Variants in ZNF143 observed in about 807,000 individuals in gnomAD.
ZNF143 encodes SPH-binding factor.
A neutral mutation model predicts 74.1 loss-of-function variants in ZNF143; 49 were observed. The observed-to-expected ratio is 0.66, with a 90% CI of 0.53 to 0.84. ZNF143 has a LOEUF of 0.84. Ranked by LOEUF, ZNF143 falls within the 40% of genes least tolerant of loss-of-function variation. The probability of loss-of-function intolerance (pLI) is 0.00; values close to 1 mark genes in which losing one functional copy is unlikely to be tolerated. For synonymous variants in ZNF143, 304 were observed against 282.8 expected (o/e 1.07, Z -0.75); for missense variants, 637 against 793.4 (o/e 0.80, Z 2.37).
chr11:9,504,483 A>ATCT (rs1848281981), intron 11 of ZNF143, among the ~76,000 whole-genome samples: 1 of 125,600 alleles, frequency 8.0e-6, no homozygotes. Flanking sequence ...TATTTGCAGT[A>ATCT]TAGAAGCTTT....
At chr11:9,473,590 ATCTG>A (rs757353385) in intron 3 of ZNF143, among the ~76,000 whole-genome samples, 7 of 152,052 alleles carry the variant, frequency 4.6e-5, no homozygotes, top group Admixed American at 3.9e-4. Context: ...CACTGACATA[ATCTG>A]TCTGTCTTCC....
At chr11:9,491,412 G>A (rs546241975) in intron 7 of ZNF143, among the ~76,000 whole-genome samples, 4 of 151,982 alleles carry the variant, frequency 2.6e-5, no homozygotes, top group South Asian at 2.1e-4. Flanking sequence ...CGAGGCAGGC[G>A]GATCACGAGG....
chr11:9,465,979 C>T (rs933368990), intron 1 of ZNF143, among the ~76,000 whole-genome samples: 4 of 150,996 alleles, frequency 2.6e-5, no homozygotes, highest in African/African-American at 7.3e-5. Flanking sequence ...CAGGTCCAAG[C>T]TACCATGTCT....
chr11:9,472,618 A>T, intron 2 of ZNF143, 59 bp from the exon 3 acceptor site: 1 of 1,430,494 alleles, frequency 7.0e-7, no homozygotes, highest in South Asian at 1.2e-5. Context: ...TGAAAAAAAA[A>T]TTAATCAGCA....
In ZNF143 at chr11:9,471,330, C is replaced by G. The variant is rs758575257; in HGVS notation, c.22C>G (p.Arg8Gly). The G allele has an allele frequency of 6.2e-7, 1 of 1,611,590 alleles. No individual in the cohort carries two copies. Among genetic ancestry groups the G allele is most frequent in the Non-Finnish European group, 8.5e-7 (1 of 1,179,132 alleles). Reference protein sequence around the residue: MLLAQINRDSQGMTEFPG... With the variant: MLLAQINGDSQGMTEFPG... ...GAAGATGTTGTTAGCCCAAATAAATCGAGATTCTCAGGGAATGACAGAGTT... is the reference window on the plus strand; with the variant it reads ...GAAGATGTTGTTAGCCCAAATAAATGGAGATTCTCAGGGAATGACAGAGTT... The change falls in exon 2 of 16, where the codon CGA (arginine) becomes GGA (glycine). Residue 8 changes from arginine to glycine, a missense_variant. Physicochemically the swap from Arg to Gly is moderately radical, Grantham distance 125 (BLOSUM62 -2). Transcript: ENST00000396602.
chr11:9,520,801 TAAA>T (rs1255538757), intron 14 of ZNF143, among the ~76,000 whole-genome samples: 1 of 152,042 alleles, frequency 6.6e-6, no homozygotes, highest in African/African-American at 2.4e-5. Flanking sequence ...AAATAAAAAA[TAAA>T]AAAGAATTCT....
chr11:9,520,217 G>A (rs1371011298), intron 14 of ZNF143, among the ~76,000 whole-genome samples: 1 of 150,528 alleles, frequency 6.6e-6, no homozygotes, highest in East Asian at 2.0e-4. Flanking sequence ...TGTATTTTTA[G>A]TAGAGAGGGG....
At chr11:9,496,206 A>G in intron 8 of ZNF143, 97 bp from the exon 9 acceptor site, 1 of 1,032,914 alleles carries the variant, frequency 9.7e-7, no homozygotes, top group Admixed American at 2.2e-5. Context: ...ATACAACAAA[A>G]TCATTTAGCA....
intron 7 of ZNF143, among the ~76,000 whole-genome samples, chr11:9,481,885 CAAA>C (rs572870014): frequency 5.2e-4 from 58 of 111,302 alleles, no homozygotes; most frequent in Admixed American, 2.8e-3. Context: ...GAGACTGTCT[CAAA>C]AAAAAAAAAA....
At chr11:9,467,128 G>A (rs1301112590) in intron 1 of ZNF143, among the ~76,000 whole-genome samples, 7 of 151,788 alleles carry the variant, frequency 4.6e-5, no homozygotes, top group Non-Finnish European at 1.0e-4. Flanking sequence ...TCCTGACCTC[G>A]TGATCCACCC....
intron 1 of ZNF143, among the ~76,000 whole-genome samples, chr11:9,462,748 G>A (rs1356884356): frequency 6.6e-6 from 1 of 151,914 alleles, no homozygotes; most frequent in Non-Finnish European, 1.5e-5. Flanking sequence ...GGTGGCAGGC[G>A]CCTGTAATCC....
intron 1 of ZNF143, among the ~76,000 whole-genome samples, chr11:9,464,235 G>C (rs762830617): frequency 3.9e-5 from 6 of 152,046 alleles, no homozygotes; most frequent in Non-Finnish European, 8.8e-5. Flanking sequence ...TGGCACAAGT[G>C]ATCCTCCCAC....
chr11:9,461,174 G>A, intron 1 of ZNF143, 98 bp downstream of exon 1: 2 of 741,794 alleles, frequency 2.7e-6, no homozygotes, highest in Non-Finnish European at 3.3e-6. Flanking sequence ...CCGGGCTCCG[G>A]CTCCCGCTGC....
At position 9,474,027 on chromosome 11, in the gene ZNF143, A is replaced by G. The variant is rs1456996540; in HGVS notation, c.289+3A>G. The G allele has an allele frequency of 1.2e-6, 2 of 1,606,278 alleles. No individual in the cohort carries two copies. The highest frequency in any genetic ancestry group is 3.3e-5 in the Admixed American group (2 of 59,980). ...ACATGTACCCATACCTAAAAGTAGT[A>G]AGTATTTAAGATAACAGCACGGGAA... On this transcript the variant is annotated splice_donor_region_variant and intron_variant, in intron 4 of 15. Transcript: ENST00000396602.
intron 8 of ZNF143, among the ~76,000 whole-genome samples, 156 bp from the exon 9 acceptor site, chr11:9,496,147 C>CT (rs777707999): frequency 2.6e-5 from 4 of 152,130 alleles, no homozygotes; most frequent in South Asian, 4.1e-4. Flanking sequence ...ATATTGAGAA[C>CT]TATTGGGCTA....
chr11:9,472,835 T>G, intron 3 of ZNF143, 66 bp downstream of exon 3: 1 of 1,197,376 alleles, frequency 8.4e-7, no homozygotes, highest in Non-Finnish European at 1.1e-6. Context: ...TTGGAGCACC[T>G]AGAAGCTATA....
intron 7 of ZNF143, among the ~76,000 whole-genome samples, chr11:9,486,721 T>C (rs1278087066): frequency 6.7e-6 from 1 of 149,684 alleles, no homozygotes; most frequent in Non-Finnish European, 1.5e-5. Context: ...CAGGCTGGAG[T>C]GCAGTGGTGT....
chr11:9,507,296 C>G (rs1848399784), intron 11 of ZNF143, among the ~76,000 whole-genome samples: 1 of 152,142 alleles, frequency 6.6e-6, no homozygotes, highest in Non-Finnish European at 1.5e-5. Context: ...GAGTTCACAC[C>G]AATACCTCCA....
chr11:9,524,916 C>T (rs989656104), intron 14 of ZNF143, among the ~76,000 whole-genome samples: 1 of 152,052 alleles, frequency 6.6e-6, no homozygotes, highest in African/African-American at 2.4e-5. Flanking sequence ...CAAATTAGTC[C>T]ACATACATAA....
Sources: allele counts gnomAD v4.1 joint callset (sites outside exome capture counted in the v4.1 genomes callset), GRCh38; gene constraint gnomAD v4.1.1; transcripts MANE v1.5; gene names NCBI Gene and HGNC (gene_info 2026-07-23, HGNC 2026-07-21).